NUP37: variants seen among roughly 807,000 people sequenced by gnomAD.
NUP37 encodes nucleoporin Nup37.
In NUP37, 33 loss-of-function variants were observed where a neutral mutation model predicts 45.4. The observed-to-expected ratio is 0.73, with a 90% CI of 0.55 to 0.97. NUP37 has a LOEUF of 0.97. NUP37 is among the 50% of genes least tolerant of loss of function. The pLI is 0.00. For missense variants in NUP37, 365 were observed against 389.7 expected, an observed-to-expected ratio of 0.94 and a Z score of 0.53; for synonymous variants, 127 against 130.7, an observed-to-expected ratio of 0.97 and a Z score of 0.19.
At chr12:102,112,032 C>G in intron 3 of NUP37, 76 bp downstream of exon 3, 1 of 1,358,546 alleles carries the variant, frequency 7.4e-7, no homozygotes, top group South Asian at 1.3e-5. Context: ...AAAAAAGTAT[C>G]TATGATCAGA....
At chr12:102,105,138 C>T (rs1377540152) in intron 3 of NUP37, among the ~76,000 whole-genome samples, 1 of 152,116 alleles carries the variant, frequency 6.6e-6, no homozygotes, top group South Asian at 2.1e-4. Context: ...TAGTCTTTGG[C>T]TTCGTTGGTT....
intron 2 of NUP37, among the ~76,000 whole-genome samples, chr12:102,116,150 T>C (rs1880454575): frequency 1.3e-5 from 2 of 152,228 alleles, no homozygotes; most frequent in African/African-American, 4.8e-5. Context: ...CTAGTTCTTT[T>C]TTCTCATGTT....
chr12:102,119,214 G>C (rs1880620733), intron 1 of NUP37: 2 of 152,162 alleles, frequency 1.3e-5, no homozygotes, highest in South Asian at 4.1e-4. Flanking sequence ...AGAAAATACA[G>C]GATCTGTTGT....
In NUP37 at chr12:102,099,115, T is replaced by G; in HGVS notation, c.440A>C (p.His147Pro). The G allele has an allele frequency of 6.2e-7, 1 of 1,609,642 alleles. No individual in the cohort carries two copies. Among genetic ancestry groups the G allele is most frequent in the Non-Finnish European group, 8.5e-7 (1 of 1,175,934 alleles). ...GQEIASVSDD[H>P]TCRIWNLEGV... ...AACATAAGCAACATACCTGCAGGTG[T>G]GATCGTCACTCACACTTGCAATTTC... is the stretch of plus-strand genomic sequence containing the variant. The change falls in exon 5 of 10, where the codon CAC (histidine) becomes CCC (proline). Residue 147 changes from histidine to proline, a missense_variant. By Grantham distance (77) the His-to-Pro change is moderately conservative. Coordinates refer to ENST00000552283, the MANE Select transcript of NUP37 (RefSeq NM_024057.4).
Position 102,077,929 on chromosome 12 carries a change from GA to G in NUP37, c.541-427del, listed in dbSNP as rs1206905268. On this transcript the variant is annotated intron_variant, in intron 6 of 9. Transcript: ENST00000552283. ...TCTAGTTCCAAGAATGTCAGATAAG[GA>G]TCCTCAACCTATATTACAAATGGAA... Among the ~76,000 whole-genome samples the G allele has an allele frequency of 2.6e-5, 4 of 152,052 alleles. No homozygotes were observed. In the East Asian group the frequency reaches 7.7e-4, roughly 29 times the overall value.
At chr12:102,098,385 A>C (rs1471053889) in intron 5 of NUP37, among the ~76,000 whole-genome samples, 1 of 152,152 alleles carries the variant, frequency 6.6e-6, no homozygotes, top group Non-Finnish European at 1.5e-5. Flanking sequence ...CAAAACACTA[A>C]ATTTTCCATC....
intron 7 of NUP37, 147 bp downstream of exon 7, chr12:102,077,175 A>G: frequency 1.3e-6 from 1 of 783,910 alleles, no homozygotes; most frequent in Non-Finnish European, 2.1e-6. Context: ...ATGTTATATA[A>G]AAATCCATAG....
chr12:102,112,321 T>C, intron 2 of NUP37, 89 bp from the exon 3 acceptor site: 2 of 1,061,630 alleles, frequency 1.9e-6, no homozygotes, highest in East Asian at 2.8e-5. Context: ...ATCAGGAGGT[T>C]ATGCTTATGC....
intron 2 of NUP37, chr12:102,115,877 A>T: frequency 1.2e-6 from 1 of 800,854 alleles, no homozygotes; most frequent in Non-Finnish European, 1.5e-6. Flanking sequence ...AGGACAACAG[A>T]ATAGTAATGT....
At chr12:102,080,750 A>G (rs188283645) in intron 6 of NUP37, among the ~76,000 whole-genome samples, 1 of 152,322 alleles carries the variant, frequency 6.6e-6, no homozygotes, top group East Asian at 1.9e-4. Flanking sequence ...GTTCCCTGCT[A>G]CAAGGCTAGG....
chr12:102,092,032 T>C (rs746362193), intron 5 of NUP37, among the ~76,000 whole-genome samples: 6 of 152,182 alleles, frequency 3.9e-5, no homozygotes, highest in Non-Finnish European at 8.8e-5. Context: ...GGGGATATCC[T>C]AGATATTCTC....
At position 102,075,053 on chromosome 12, in the gene NUP37, T is replaced by A. The variant is rs1879131266; in HGVS notation, c.815A>T (p.Tyr272Phe). The change falls in exon 9 of 10, where the codon TAT becomes TTT. Residue 272 changes from tyrosine (Y) to phenylalanine (F), a missense_variant. Tyr to Phe is a conservative substitution (Grantham distance 22, BLOSUM62 3). Transcript: ENST00000552283. ...ISENLFATTG[Y>F]PGKMASQFQI... Reference sequence around the variant, plus strand: ...AAACTGGCTTGCCATTTTGCCAGGATAACCAGTGGTTGCAAACAGATTTTC... The same window carrying A: ...AAACTGGCTTGCCATTTTGCCAGGAAAACCAGTGGTTGCAAACAGATTTTC... The A allele has an allele frequency of 6.2e-7, 1 of 1,611,204 alleles. No homozygotes were observed. Among genetic ancestry groups the A allele is most frequent in the African/African-American group, 1.3e-5 (1 of 74,808 alleles).
At chr12:102,076,016 G>A (rs903571876) in intron 8 of NUP37, among the ~76,000 whole-genome samples, 1 of 152,064 alleles carries the variant, frequency 6.6e-6, no homozygotes, top group Admixed American at 6.6e-5. Context: ...GATGAAAAGG[G>A]TCTGAGCTCT....
At position 102,099,146 on chromosome 12, in the gene NUP37, C is replaced by A; in HGVS notation, c.409G>T (p.Gly137Cys). 5 of 1,613,898 alleles carry A rather than the reference C, an allele frequency of 3.1e-6. No individual in the cohort carries two copies. The highest frequency in any genetic ancestry group is 4.2e-6 in the Non-Finnish European group (5 of 1,179,870). The change falls in exon 5 of 10, where the codon GGC becomes TGC. Residue 137 changes from glycine (G) to cysteine (C), a missense_variant. Physicochemically the swap from Gly to Cys is radical, Grantham distance 159 (BLOSUM62 -3). Coordinates refer to ENST00000552283, the MANE Select transcript of NUP37 (RefSeq NM_024057.4). ...TCACTCACACTTGCAATTTCTTGGCCTTCTTTGGGATCAAACACCAAACCA... is the reference window on the plus strand; with the variant it reads ...TCACTCACACTTGCAATTTCTTGGCATTCTTTGGGATCAAACACCAAACCA... ...INGLVFDPKE[G>C]QEIASVSDDH... is the part of the protein sequence containing the mutation.
At chr12:102,083,074 C>A (rs1466016897) in intron 6 of NUP37, among the ~76,000 whole-genome samples, 3 of 151,990 alleles carry the variant, frequency 2.0e-5, no homozygotes, top group Non-Finnish European at 4.4e-5. Context: ...GGAGAAAAAA[C>A]AAATTAAGTT....
At chr12:102,101,301 A>G (rs1351813693) in intron 3 of NUP37, among the ~76,000 whole-genome samples, 197 bp from the exon 4 acceptor site, 3 of 152,156 alleles carry the variant, frequency 2.0e-5, no homozygotes, top group Non-Finnish European at 2.9e-5. Flanking sequence ...AGTAGGAGTC[A>G]TATTATTTTA....
chr12:102,082,795 T>C (rs1879365831), intron 6 of NUP37, among the ~76,000 whole-genome samples: 1 of 152,106 alleles, frequency 6.6e-6, no homozygotes, highest in Non-Finnish European at 1.5e-5. Flanking sequence ...AGCCAAAGAC[T>C]TTAGAAACAA....
At chr12:102,075,425 TCCTG>T (rs1879141431) in intron 8 of NUP37, among the ~76,000 whole-genome samples, 1 of 152,092 alleles carries the variant, frequency 6.6e-6, no homozygotes, top group Non-Finnish European at 1.5e-5. Context: ...CAAGTGATCC[TCCTG>T]CCTTGGTCTC....
chr12:102,111,459 G>A (rs145869250), intron 3 of NUP37, among the ~76,000 whole-genome samples: 8 of 152,260 alleles, frequency 5.3e-5, no homozygotes, highest in East Asian at 1.9e-4. Flanking sequence ...TAAAAAAAAC[G>A]AAGTTAGCTT....
Sources: gnomAD v4.1 joint callset for allele counts (sites outside exome capture counted in the v4.1 genomes callset) on GRCh38, gnomAD v4.1.1 for gene constraint, MANE v1.5 for transcripts, NCBI Gene and HGNC (gene_info 2026-07-23, HGNC 2026-07-21) for gene names.